Variants in KCNQ5 observed in about 807,000 individuals in gnomAD.
The protein encoded by KCNQ5 is potassium voltage-gated channel subfamily Q member 5.
In KCNQ5, 30 loss-of-function variants were observed where a neutral mutation model predicts 98.2. That is an observed-to-expected ratio of 0.31 (90% CI 0.23 to 0.41). The LOEUF (loss-of-function observed/expected upper bound fraction) is 0.41. KCNQ5 is among the 10% of genes least tolerant of loss of function. The pLI is 1.00. For missense variants in KCNQ5, 835 were observed against 1,182.5 expected (o/e 0.71, Z 4.31); for synonymous variants, 458 against 449.4 (o/e 1.02, Z -0.24).
At chr6:72,704,227 A>T (rs1768962063) in intron 1 of KCNQ5, among the ~76,000 whole-genome samples, 1 of 152,168 alleles carries the variant, frequency 6.6e-6, no homozygotes, top group African/African-American at 2.4e-5. Flanking sequence ...ATCTTTAGAG[A>T]AATATTCCTC....
intron 1 of KCNQ5, among the ~76,000 whole-genome samples, chr6:72,760,544 A>C (rs1029843820): frequency 6.6e-6 from 1 of 151,948 alleles, no homozygotes; most frequent in Non-Finnish European, 1.5e-5. Flanking sequence ...ACATAGATAC[A>C]GTTCAGCTTT....
At chr6:73,106,087 G>A (rs577470664) in intron 6 of KCNQ5, among the ~76,000 whole-genome samples, 74 of 152,256 alleles carry the variant, frequency 4.9e-4, no homozygotes, top group African/African-American at 1.5e-3. Flanking sequence ...GGGTTAACGC[G>A]GTGGGAGCAG....
At chr6:72,834,143 A>T (rs576412692) in intron 1 of KCNQ5, among the ~76,000 whole-genome samples, 16 of 152,244 alleles carry the variant, frequency 1.1e-4, no homozygotes, top group Non-Finnish European at 1.5e-4. Flanking sequence ...ACAAAATGTG[A>T]ACATTTGTGA....
At position 72,718,462 on chromosome 6, in the gene KCNQ5, T is replaced by A. The variant is rs1769767783; in HGVS notation, c.398+95875T>A. ...TTTCTGCTCTTTTTTTTTTTTTTTT[T>A]TTTTTTTTTGACAGAGTCTCGCTCT... On this transcript the variant is annotated intron_variant, in intron 1 of 13. Coordinates refer to ENST00000370398, the MANE Select transcript of KCNQ5 (RefSeq NM_019842.4). 3.5e-5 allele frequency among the ~76,000 whole-genome samples: 5 copies of A among 141,872 alleles called. No individual in the cohort carries two copies. The South Asian group carries it at 1.2e-3, about 34-fold the overall frequency. 93.1% of individuals were successfully genotyped at this position (141,872 alleles called of 152,430 possible).
intron 1 of KCNQ5, among the ~76,000 whole-genome samples, chr6:72,639,617 G>A (rs1235347489): frequency 6.6e-6 from 1 of 152,136 alleles, no homozygotes; most frequent in Non-Finnish European, 1.5e-5. Flanking sequence ...ATGAAACCAG[G>A]GATATCTGGT....
rs1765771029 is a variant in KCNQ5 at position 73,195,774 on chromosome 6, G to T, written c.*360G>T. The T allele has an allele frequency of 4.6e-6, 1 of 216,960 alleles. No individual in the cohort carries two copies. Among genetic ancestry groups the T allele is most frequent in the Non-Finnish European group, 9.4e-6 (1 of 106,736 alleles). The allele number at this position is 216,960 out of a possible 1,614,324, so 13.4% of individuals were successfully genotyped here. A position where few individuals can be genotyped will look rare whatever the true frequency, so the allele number is the denominator to read the frequency against. The stretch of plus-strand genomic sequence containing the variant: ...ACACCTTCAAATTTCAGGCATTTCT[G>T]CTTTGTGACTAAATACAAACTACAT... On this transcript the variant is annotated 3_prime_UTR_variant, in exon 14 of 14. Transcript: ENST00000370398.
chr6:73,069,311 T>C (rs1002729005), intron 3 of KCNQ5, among the ~76,000 whole-genome samples: 1 of 152,168 alleles, frequency 6.6e-6, no homozygotes, highest in African/African-American at 2.4e-5. Context: ...GAGTTCTTTT[T>C]TAATGTATGG....
intron 11 of KCNQ5, among the ~76,000 whole-genome samples, chr6:73,180,402 C>T (rs568918852): frequency 7.0e-4 from 106 of 152,340 alleles, no homozygotes; most frequent in African/African-American, 2.5e-3. Flanking sequence ...TTAACTACTT[C>T]TTGCATGAAA....
In KCNQ5 at chr6:72,974,329, C is replaced by G. The variant is rs534352056; in HGVS notation, c.399-29579C>G. 3.5e-4 allele frequency among the ~76,000 whole-genome samples: 53 copies of G among 151,424 alleles called. No homozygotes were observed. The South Asian group carries it at 0.011, about 31-fold the overall frequency. ...ATTTACAGAAAAAGTTTGTCCACCC[C>G]TGCTATAAATCTTTCTCTCTTCCCT... On this transcript the variant is annotated intron_variant, in intron 1 of 13. Transcript: ENST00000370398.
At chr6:72,929,469 TATTA>T (rs1765593142) in intron 1 of KCNQ5, among the ~76,000 whole-genome samples, 1 of 152,152 alleles carries the variant, frequency 6.6e-6, no homozygotes, top group Non-Finnish European at 1.5e-5. Flanking sequence ...ATCCTAAATA[TATTA>T]ATTAAGAACC....
At chr6:72,847,416 C>T (rs1241461376) in intron 1 of KCNQ5, among the ~76,000 whole-genome samples, 1 of 152,190 alleles carries the variant, frequency 6.6e-6, no homozygotes, top group Non-Finnish European at 1.5e-5. Context: ...CCACCTTGGT[C>T]TCCCAAAGTG....
chr6:72,783,888 G>A (rs946557547), intron 1 of KCNQ5, among the ~76,000 whole-genome samples: 3 of 152,178 alleles, frequency 2.0e-5, no homozygotes, highest in African/African-American at 7.2e-5. Context: ...GTGGAGGAAT[G>A]CTTTTCTAAC....
intron 1 of KCNQ5, among the ~76,000 whole-genome samples, chr6:72,974,397 A>AG (rs1158626181): frequency 6.6e-6 from 1 of 151,734 alleles, no homozygotes; most frequent in East Asian, 1.9e-4. Flanking sequence ...AAAAAAAAAA[A>AG]AAGGCCTAGA....
intron 1 of KCNQ5, among the ~76,000 whole-genome samples, chr6:72,742,112 A>G (rs1476246320): frequency 1.3e-5 from 2 of 152,192 alleles, no homozygotes; most frequent in African/African-American, 4.8e-5. Flanking sequence ...GATGAATTCT[A>G]TACTTAGTTA....
intron 1 of KCNQ5, among the ~76,000 whole-genome samples, chr6:72,843,945 G>A (rs1461940055): frequency 5.9e-5 from 9 of 152,104 alleles, no homozygotes; most frequent in African/African-American, 2.2e-4. Context: ...TCGTATGTGG[G>A]AGTTGAACAA....
intron 10 of KCNQ5, among the ~76,000 whole-genome samples, chr6:73,161,123 A>T (rs193284892): frequency 6.6e-6 from 1 of 152,252 alleles, no homozygotes; most frequent in Non-Finnish European, 1.5e-5. Context: ...AATATTATTC[A>T]TCCATTAAAA....
At chr6:72,638,978 G>C (rs2098925723) in intron 1 of KCNQ5, among the ~76,000 whole-genome samples, 1 of 152,158 alleles carries the variant, frequency 6.6e-6, no homozygotes, top group South Asian at 2.1e-4. Context: ...AAATGTTCTT[G>C]GTTCCAAGCA....
chr6:73,120,578 G>T lies in KCNQ5; in HGVS notation c.1220+1G>T. 6.2e-7 allele frequency: 1 copy of T among 1,602,142 alleles called. No homozygotes were observed. Among genetic ancestry groups the T allele is most frequent in the African/African-American group, 1.3e-5 (1 of 74,830 alleles). ...CCTTGCACACCTGCAGCCCTACCAAGTAGGTATCAGTGTGACAGCTGCCAC... is the reference window on the plus strand; with the variant it reads ...CCTTGCACACCTGCAGCCCTACCAATTAGGTATCAGTGTGACAGCTGCCAC... On this transcript the variant is annotated splice_donor_variant, in intron 8 of 13. Coordinates refer to ENST00000370398, the MANE Select transcript of KCNQ5 (RefSeq NM_019842.4). LOFTEE classifies it high-confidence loss of function.
At chr6:73,148,932 G>A (rs922658179) in intron 10 of KCNQ5, among the ~76,000 whole-genome samples, 1 of 152,132 alleles carries the variant, frequency 6.6e-6, no homozygotes, top group Non-Finnish European at 1.5e-5. Context: ...ATAAACCTCA[G>A]GAAAAATAGT....
Sources: gnomAD v4.1 joint callset for allele counts (sites outside exome capture counted in the v4.1 genomes callset) on GRCh38, gnomAD v4.1.1 for gene constraint, MANE v1.5 for transcripts, NCBI Gene and HGNC (gene_info 2026-07-23, HGNC 2026-07-21) for gene names.